SLC14A2: variants seen among roughly 807,000 people sequenced by gnomAD.
SLC14A2 encodes the protein urea transporter 2.
Under a neutral mutation model 104.6 loss-of-function variants are expected in SLC14A2, and 91 were observed. That is an observed-to-expected ratio of 0.87 (90% CI 0.73 to 1.04). The LOEUF is 1.04. Among genes scored for constraint, SLC14A2 ranks in the 50% least tolerant of loss-of-function variants. The pLI, the probability that SLC14A2 is intolerant of heterozygous loss-of-function variation, is 0.00. For missense variants in SLC14A2, 1,189 were observed against 1,156.0 expected (o/e 1.03, Z -0.41); for synonymous variants, 476 against 466.4 (o/e 1.02, Z -0.27).
At chr18:45,311,540 T>C (rs1291156748) in intron 1 of SLC14A2, among the ~76,000 whole-genome samples, 1 of 152,220 alleles carries the variant, frequency 6.6e-6, no homozygotes, top group Non-Finnish European at 1.5e-5. Flanking sequence ...CTATAAGATC[T>C]TGGAGCTTCT....
In SLC14A2 at chr18:45,682,638, C is replaced by A. The variant is rs1176402076; in HGVS notation, c.*119C>A. The A allele has an allele frequency of 1.3e-6, 1 of 781,096 alleles. No homozygotes were observed. The highest frequency in any genetic ancestry group is 2.2e-6 in the Non-Finnish European group (1 of 446,938). 48.4% of individuals were successfully genotyped at this position (781,096 alleles called of 1,614,324 possible). A position where few individuals can be genotyped will look rare whatever the true frequency, so the allele number is the denominator to read the frequency against. ...TGTTCTGTGACTCTCTCCCCAAACA[C>A]AAAGAAGCGTGTATGTAGTCACCAT... On this transcript the variant is annotated 3_prime_UTR_variant, in exon 20 of 20. Transcript: ENST00000255226.
At chr18:45,179,620 G>A in the SLC14A2 span, among the ~76,000 whole-genome samples, 2,250 of 152,276 alleles carry the variant, frequency 0.015, 101 homozygotes, top group East Asian at 0.12. Flanking sequence ...TGCCGAAGGA[G>A]AACACAGCAA....
At chr18:45,322,967 ACAG>A (rs1699082339) in intron 1 of SLC14A2, among the ~76,000 whole-genome samples, 1 of 152,234 alleles carries the variant, frequency 6.6e-6, no homozygotes, top group South Asian at 2.1e-4. Context: ...AAATTAGACA[ACAG>A]AGATGAATGC....
intron 1 of SLC14A2, among the ~76,000 whole-genome samples, chr18:45,337,202 G>T (rs1239640010): frequency 1.3e-5 from 2 of 152,090 alleles, no homozygotes; most frequent in African/African-American, 4.8e-5. Context: ...TTAGGATGGG[G>T]AATATGAAGG....
At chr18:45,368,093 C>T (rs2085684783) in intron 1 of SLC14A2, among the ~76,000 whole-genome samples, 1 of 151,860 alleles carries the variant, frequency 6.6e-6, no homozygotes, top group Non-Finnish European at 1.5e-5. Context: ...ACGCATCCTC[C>T]AAGCAGATTT....
chr18:45,496,056 T>C (rs1202181943), intron 2 of SLC14A2, among the ~76,000 whole-genome samples: 1 of 152,162 alleles, frequency 6.6e-6, no homozygotes, highest in Non-Finnish European at 1.5e-5. Flanking sequence ...TAATCTGTTT[T>C]CAAACCAGAC....
In SLC14A2 at chr18:45,668,599, A is replaced by C. The variant is rs979473896; in HGVS notation, c.2036+122A>C. On this transcript the variant is annotated intron_variant, in intron 15 of 19. Coordinates refer to ENST00000255226, the MANE Select transcript of SLC14A2 (RefSeq NM_007163.4). ...GGCATGTATTTAGCTTGCACATCAG[A>C]AATGTCCACTGGACTAATAACTAAG... is the stretch of plus-strand genomic sequence containing the variant. The C allele has an allele frequency of 1.9e-5, 21 of 1,092,780 alleles. No individual in the cohort carries two copies. In the African/African-American group the frequency reaches 3.1e-4, roughly 16 times the overall value. The allele number at this position is 1,092,780 out of a possible 1,614,324, so 67.7% of individuals were successfully genotyped here.
At chr18:45,671,726 G>A (rs1420251361) in intron 16 of SLC14A2, among the ~76,000 whole-genome samples, 3 of 152,176 alleles carry the variant, frequency 2.0e-5, no homozygotes, top group South Asian at 2.1e-4. Context: ...GAGGGCCCCC[G>A]AGCTGCAGGA....
At chr18:45,546,618 G>A (rs1183850768) in intron 2 of SLC14A2, among the ~76,000 whole-genome samples, 1 of 152,162 alleles carries the variant, frequency 6.6e-6, no homozygotes, top group Non-Finnish European at 1.5e-5. Flanking sequence ...AGGTCAAAGA[G>A]CTTAATAGTC....
intron 1 of SLC14A2, among the ~76,000 whole-genome samples, chr18:45,300,612 T>C (rs2084959292): frequency 6.6e-6 from 1 of 152,208 alleles, no homozygotes; most frequent in Non-Finnish European, 1.5e-5. Flanking sequence ...AAAAGCACTT[T>C]TTTTTCCATA....
At chr18:45,377,783 C>G (rs1462153) in intron 1 of SLC14A2, among the ~76,000 whole-genome samples, 68,262 of 151,864 alleles carry the variant, frequency 0.45, 16,962 homozygotes, top group African/African-American at 0.67. Context: ...CTCTGGGTGA[C>G]AGCCTTCCAT....
intron 2 of SLC14A2, among the ~76,000 whole-genome samples, chr18:45,534,533 T>A (rs2043751361): frequency 6.6e-6 from 1 of 152,092 alleles, no homozygotes; most frequent in South Asian, 2.1e-4. Flanking sequence ...GCCTCGTAAA[T>A]TTAATCCTCT....
intron 2 of SLC14A2, among the ~76,000 whole-genome samples, chr18:45,560,975 C>T (rs989538833): frequency 1.1e-4 from 16 of 152,150 alleles, no homozygotes; most frequent in African/African-American, 2.9e-4. Flanking sequence ...AGGTCATTCC[C>T]TGACAGAGAG....
At chr18:45,622,949 T>C (rs1282411309) in intron 1 of SLC14A2, among the ~76,000 whole-genome samples, 1 of 152,176 alleles carries the variant, frequency 6.6e-6, no homozygotes, top group Non-Finnish European at 1.5e-5. Context: ...TCTCTAGCCA[T>C]GTTCAGTTGT....
At chr18:45,174,726 T>A in the SLC14A2 span, among the ~76,000 whole-genome samples, 1 of 151,994 alleles carries the variant, frequency 6.6e-6, no homozygotes, top group South Asian at 2.1e-4. Context: ...GCATTAAAAA[T>A]TGGGCAGGGT....
intron 1 of SLC14A2, among the ~76,000 whole-genome samples, chr18:45,447,914 T>C (rs1034137031): frequency 6.6e-5 from 10 of 152,242 alleles, no homozygotes; most frequent in Admixed American, 5.9e-4. Context: ...TTACATTATT[T>C]ATTAAGTGTA....
intron 2 of SLC14A2, among the ~76,000 whole-genome samples, chr18:45,583,671 GA>G (rs1025334430): frequency 6.6e-6 from 1 of 151,876 alleles, no homozygotes; most frequent in African/African-American, 2.4e-5. Flanking sequence ...GAAATCTTGG[GA>G]AATAAAACAT....
the SLC14A2 span, among the ~76,000 whole-genome samples, chr18:45,177,155 A>G: frequency 3.9e-5 from 6 of 152,118 alleles, no homozygotes; most frequent in African/African-American, 1.4e-4. Flanking sequence ...GTTGCTCTTC[A>G]TAAAATCTCT....
chr18:45,569,643 T>C (rs1303705059), intron 2 of SLC14A2, among the ~76,000 whole-genome samples: 1 of 152,198 alleles, frequency 6.6e-6, no homozygotes, highest in Non-Finnish European at 1.5e-5. Flanking sequence ...GGTAATTAGG[T>C]AAGCTGTAGT....
Sources: gnomAD v4.1 joint callset for allele counts (sites outside exome capture counted in the v4.1 genomes callset) on GRCh38, gnomAD v4.1.1 for gene constraint, MANE v1.5 for transcripts, NCBI Gene and HGNC (gene_info 2026-07-23, HGNC 2026-07-21) for gene names.